CUL3: variants seen among roughly 807,000 people sequenced by gnomAD.
CUL3 encodes cullin-3.
In CUL3, 19 loss-of-function variants were observed where a neutral mutation model predicts 89.1. The observed-to-expected ratio is 0.21, with a 90% CI of 0.15 to 0.31. The LOEUF is 0.31. Among genes scored for constraint, CUL3 ranks in the 10% least tolerant of loss-of-function variants. The pLI, the probability that CUL3 is intolerant of heterozygous loss-of-function variation, is 1.00. For missense variants in CUL3, 469 were observed against 942.3 expected (o/e 0.50, Z 6.58); for synonymous variants, 351 against 308.4 (o/e 1.14, Z -1.45).
At chr2:224,563,690 C>A (rs937743685) in intron 1 of CUL3, among the ~76,000 whole-genome samples, 1 of 152,174 alleles carries the variant, frequency 6.6e-6, no homozygotes, top group East Asian at 1.9e-4. Context: ...CCATCCCACT[C>A]AGGATGTGAA....
At chr2:224,498,760 G>C (rs1026325772) in intron 11 of CUL3, among the ~76,000 whole-genome samples, 2 of 152,188 alleles carry the variant, frequency 1.3e-5, no homozygotes, top group African/African-American at 4.8e-5. Context: ...TGTGGTGGTG[G>C]AGACAGTATA....
chr2:224,529,336 G>A (rs115821595), intron 3 of CUL3, among the ~76,000 whole-genome samples: 1 of 151,908 alleles, frequency 6.6e-6, no homozygotes, highest in East Asian at 1.9e-4. Flanking sequence ...AGAATGAATC[G>A]GCTGGGTGTG....
intron 13 of CUL3, among the ~76,000 whole-genome samples, chr2:224,494,479 G>C (rs1458245500): frequency 6.6e-6 from 1 of 152,026 alleles, no homozygotes; most frequent in Non-Finnish European, 1.5e-5. Flanking sequence ...TTACTCTAAT[G>C]AAAAAAGATG....
At chr2:224,474,507 A>G in intron 15 of CUL3, 131 bp from the exon 16 acceptor site, 1 of 712,076 alleles carries the variant, frequency 1.4e-6, no homozygotes, top group Non-Finnish European at 2.2e-6. Flanking sequence ...AAAAGCACAG[A>G]AACTTTAAAA....
intron 3 of CUL3, among the ~76,000 whole-genome samples, chr2:224,529,655 A>G (rs1311815751): frequency 6.6e-6 from 1 of 152,080 alleles, no homozygotes; most frequent in African/African-American, 2.4e-5. Context: ...GTATGTAAGT[A>G]AAGCAGGGAT....
At chr2:224,518,876 C>A (rs955471649) in intron 3 of CUL3, among the ~76,000 whole-genome samples, 2 of 152,154 alleles carry the variant, frequency 1.3e-5, no homozygotes, top group Admixed American at 1.3e-4. Context: ...GTGATGGTAT[C>A]GCTACTAAAG....
intron 2 of CUL3, among the ~76,000 whole-genome samples, chr2:224,545,397 C>T (rs1694256554): frequency 6.6e-6 from 1 of 151,950 alleles, no homozygotes; most frequent in Non-Finnish European, 1.5e-5. Flanking sequence ...CAGAAGATTC[C>T]TCATTAAGTA....
rs1343970054 is a variant in CUL3 at position 224,470,250 on chromosome 2, A to G, written c.*3995T>C. 4.6e-6 allele frequency: 1 copy of G among 218,564 alleles called. No homozygotes were observed. Among genetic ancestry groups the G allele is most frequent in the African/African-American group, 2.2e-5 (1 of 44,458 alleles). 13.5% of individuals were successfully genotyped at this position (218,564 alleles called of 1,614,324 possible). A position where few individuals can be genotyped will look rare whatever the true frequency, so the allele number is the denominator to read the frequency against. ...CCTGTTATTAAAATCTTGAAATTTG[A>G]CAATTTCATTGTTACTAAAAAATAC... On this transcript the variant is annotated 3_prime_UTR_variant, in exon 16 of 16. Transcript: ENST00000264414.
chr2:224,580,901 C>A (rs1695420298), intron 1 of CUL3, among the ~76,000 whole-genome samples: 1 of 147,412 alleles, frequency 6.8e-6, no homozygotes, highest in Non-Finnish European at 1.5e-5. Context: ...TTTTTTAAGA[C>A]AAGAGTCTTG....
intron 1 of CUL3, among the ~76,000 whole-genome samples, chr2:224,558,548 G>T (rs1268533554): frequency 6.6e-6 from 1 of 152,140 alleles, no homozygotes; most frequent in Non-Finnish European, 1.5e-5. Context: ...TGCTCAAAGT[G>T]CCAAGTTATT....
chr2:224,478,178 C>G (rs2106142185), intron 15 of CUL3, 22 bp downstream of exon 15: 1 of 1,578,598 alleles, frequency 6.3e-7, no homozygotes, highest in East Asian at 2.2e-5. Context: ...TCTATATTAG[C>G]CCAGTAGTGA....
Position 224,471,717 on chromosome 2 carries a change from T to A in CUL3, c.*2528A>T. On this transcript the variant is annotated 3_prime_UTR_variant, in exon 16 of 16. Coordinates refer to ENST00000264414, the MANE Select transcript of CUL3 (RefSeq NM_003590.5). ...TTTGTGAGGCTGTGCGTTCCCTAAT[T>A]GCAATGAATTTTCAGTCTTTAAATA... 1 of 223,284 alleles carries A rather than the reference T, an allele frequency of 4.5e-6. No homozygotes were observed. The highest frequency in any genetic ancestry group is 8.9e-6 in the Non-Finnish European group (1 of 111,774). 13.8% of individuals were successfully genotyped at this position (223,284 alleles called of 1,614,324 possible).
chr2:224,500,224 C>T (rs990153944), intron 11 of CUL3, 139 bp downstream of exon 11: 7 of 984,792 alleles, frequency 7.1e-6, no homozygotes, highest in Non-Finnish European at 9.0e-6. Flanking sequence ...TTGCTGTATG[C>T]CAGGATAAAT....
chr2:224,476,937 G>C (rs1319543327), intron 15 of CUL3, among the ~76,000 whole-genome samples: 1 of 152,038 alleles, frequency 6.6e-6, no homozygotes, highest in Non-Finnish European at 1.5e-5. Context: ...ACTCTTGGTG[G>C]TTTCCACCTC....
At chr2:224,529,453 T>C (rs1221509494) in intron 3 of CUL3, among the ~76,000 whole-genome samples, 1 of 88,164 alleles carries the variant, frequency 1.1e-5, no homozygotes, top group South Asian at 4.1e-4. Flanking sequence ...CCATCTCTAC[T>C]AAAAATACAA....
chr2:224,481,805 T>C, intron 14 of CUL3, 87 bp downstream of exon 14: 1 of 952,072 alleles, frequency 1.1e-6, no homozygotes, highest in East Asian at 3.1e-5. Context: ...AAAAGGAGTA[T>C]TTTTAAAAGA....
Position 224,500,416 on chromosome 2 carries a change from T to G in CUL3, c.1557A>C (p.Thr519=), listed in dbSNP as rs1692335206. ...GTGCTGGTGGGATGTTGCACTTTGG[T>G]GTGGCTGACTGAGTGGGCCAATATC... ...TTGYWPTQSA[T]PKCNIPPAPR... The change falls in exon 11 of 16, where the codon ACA becomes ACC. Residue 519 remains threonine (T), a synonymous_variant. Transcript: ENST00000264414. 1.2e-6 allele frequency: 2 copies of G among 1,613,994 alleles called. No homozygotes were observed. Among genetic ancestry groups the G allele is most frequent in the Admixed American group, 1.7e-5 (1 of 59,998 alleles).
intron 12 of CUL3, among the ~76,000 whole-genome samples, chr2:224,497,430 T>A (rs1692209676): frequency 6.6e-6 from 1 of 152,196 alleles, no homozygotes; most frequent in Non-Finnish European, 1.5e-5. Flanking sequence ...GGCTCATGGC[T>A]TTGTATGCAC....
chr2:224,533,251 G>A (rs533575762), intron 3 of CUL3, among the ~76,000 whole-genome samples: 1 of 152,230 alleles, frequency 6.6e-6, no homozygotes, highest in South Asian at 2.1e-4. Flanking sequence ...AAGATGAAGG[G>A]ACAAGAAATA....
Sources: gnomAD v4.1 joint callset for allele counts (sites outside exome capture counted in the v4.1 genomes callset) on GRCh38, gnomAD v4.1.1 for gene constraint, MANE v1.5 for transcripts, NCBI Gene and HGNC (gene_info 2026-07-23, HGNC 2026-07-21) for gene names.